The following AGAP2 variants were observed in gnomAD, a reference collection of about 807,000 sequenced individuals.
AGAP2 encodes the protein arf-GAP with GTPase, ANK repeat and PH domain-containing protein 2.
AGAP2 carries 32 observed loss-of-function variants against 110.9 expected under a neutral mutation model. The ratio of observed to expected loss-of-function variants is 0.29; its 90% CI spans 0.22 to 0.39. The LOEUF (loss-of-function observed/expected upper bound fraction) is 0.39, where lower values mean the gene tolerates loss of function less well. Among genes scored for constraint, AGAP2 ranks in the 10% least tolerant of loss-of-function variants. The probability of loss-of-function intolerance (pLI) is 1.00; values close to 1 mark genes in which losing one functional copy is unlikely to be tolerated. For missense variants in AGAP2, 1,285 were observed against 1,638.5 expected, an observed-to-expected ratio of 0.78 and a Z score of 3.72; for synonymous variants, 702 against 713.0, an observed-to-expected ratio of 0.98 and a Z score of 0.25.
Position 57,738,216 on chromosome 12 carries a change from G to T in AGAP2, c.31C>A (p.Arg11=), listed in dbSNP as rs1349968686. 8 of 1,521,500 alleles carry T rather than the reference G, an allele frequency of 5.3e-6. No individual in the cohort carries two copies. Among genetic ancestry groups the T allele is most frequent in the Non-Finnish European group, 7.0e-6 (8 of 1,139,804 alleles). 94.2% of individuals were successfully genotyped at this position (1,521,500 alleles called of 1,614,324 possible). The part of the protein sequence containing the change: MSRGAGALQR[R]TTTYLISLTL... ...AGCGAGATGAGGTAGGTCGTTGTCCGGCGCTGAAGCGCGCCCGCGCCCCGG... is the reference window on the plus strand; with the variant it reads ...AGCGAGATGAGGTAGGTCGTTGTCCTGCGCTGAAGCGCGCCCGCGCCCCGG... Residue 11 remains arginine, a synonymous_variant, in exon 1 of 19, where the codon CGG becomes AGG. Coordinates refer to ENST00000547588, the MANE Select transcript of AGAP2 (RefSeq NM_001122772.3). This position sits in a 1 kb window ranked among gnomAD's most constrained non-coding sequence, Gnocchi z 6.7.
chr12:57,727,420 G>A lies in AGAP2; in HGVS notation c.3020C>T (p.Ala1007Val), dbSNP rs1954791925. ...CGTGTCGCTTTCCCACACGCGGTTGGCCGTGTCGTTGCCAATAGCCGTCAG... is the reference window on the plus strand; with the variant it reads ...CGTGTCGCTTTCCCACACGCGGTTGACCGTGTCGTTGCCAATAGCCGTCAG... ...LVLTAIGNDT[A>V]NRVWESDTRG... The change falls in exon 17 of 19, where the codon GCC becomes GTC. Residue 1007 changes from alanine (A) to valine (V), a missense_variant. By Grantham distance (64) the Ala-to-Val change is moderately conservative. Coordinates refer to ENST00000547588, the MANE Select transcript of AGAP2 (RefSeq NM_001122772.3). 6.2e-7 allele frequency: 1 copy of A among 1,613,576 alleles called. No homozygotes were observed. The highest frequency in any genetic ancestry group is 1.6e-4 in the Middle Eastern group (1 of 6,062).
At position 57,727,687 on chromosome 12, in the gene AGAP2, C is replaced by T; in HGVS notation, c.2851G>A (p.Ala951Thr). The T allele has an allele frequency of 6.2e-7, 1 of 1,605,886 alleles. No homozygotes were observed. The highest frequency in any genetic ancestry group is 8.5e-7 in the Non-Finnish European group (1 of 1,176,378). Reference sequence around the variant, plus strand: ...GCTGCCTCCTGGCACTCACTGGGGGCCCCGCAGTCCACGCAGATTGAATTC... The same window carrying T: ...GCTGCCTCCTGGCACTCACTGGGGGTCCCGCAGTCCACGCAGATTGAATTC... ...KGNSICVDCG[A>T]PNPTWASLNL... is the part of the protein sequence containing the mutation. Residue 951 changes from alanine (A) to threonine (T), a missense_variant, in exon 16 of 19, where the codon GCC (alanine) becomes ACC (threonine). Transcript: ENST00000547588.
In AGAP2 at chr12:57,735,437, G is replaced by A. The variant is rs746740929; in HGVS notation, c.1169-10C>T. 1.2e-6 allele frequency: 2 copies of A among 1,613,182 alleles called. No individual in the cohort carries two copies. Among genetic ancestry groups the A allele is most frequent in the East Asian group, 2.2e-5 (1 of 44,858 alleles). On this transcript the variant is annotated splice_polypyrimidine_tract_variant and intron_variant, in intron 1 of 18. Transcript: ENST00000547588. ...CTATTGATCACAGCCTCTGTAACGGGAGAAGGGCAGTAAGAGGGGAGGCTC... is the reference window on the plus strand; with the variant it reads ...CTATTGATCACAGCCTCTGTAACGGAAGAAGGGCAGTAAGAGGGGAGGCTC...
In AGAP2 at chr12:57,728,152, C is replaced by T. The variant is rs1243907428; in HGVS notation, c.2618-67G>A. The T allele has an allele frequency of 3.9e-6, 6 of 1,548,466 alleles. No individual in the cohort carries two copies. In the Admixed American group the frequency reaches 7.6e-5, roughly 20 times the overall value. ...AAGCAGGGGCTGCCTTTCCCAAGAC[C>T]GTCCTCCCTGATGTCCATCCCGAGC... On this transcript the variant is annotated intron_variant, in intron 14 of 18. Coordinates refer to ENST00000547588, the MANE Select transcript of AGAP2 (RefSeq NM_001122772.3).
rs943471887 is a variant in AGAP2 at position 57,726,918 on chromosome 12, G to A, written c.3336+56C>T. 5 of 1,498,074 alleles carry A rather than the reference G, an allele frequency of 3.3e-6. No homozygotes were observed. Among genetic ancestry groups the A allele is most frequent in the Non-Finnish European group, 1.8e-6 (2 of 1,129,394 alleles). The allele number at this position is 1,498,074 out of a possible 1,614,324, so 92.8% of individuals were successfully genotyped here. ...GGGAATTTCGGGCTTTCCCGCGCCA[G>A]GCGTTTTCCGAGATGAAGCCTCAAA... On this transcript the variant is annotated intron_variant, in intron 18 of 18. Transcript: ENST00000547588. This position sits in a 1 kb window ranked among gnomAD's most constrained non-coding sequence, Gnocchi z 5.7.
At chr12:57,731,730 A>G (rs1954889288) in intron 8 of AGAP2, 79 bp downstream of exon 8, 2 of 1,589,728 alleles carry the variant, frequency 1.3e-6, no homozygotes, top group Non-Finnish European at 8.6e-7. Flanking sequence ...AGGGCCCAAC[A>G]GAGGAGTCTA....
chr12:57,731,413 C>A lies in AGAP2; in HGVS notation c.2098G>T (p.Val700Leu). The A allele has an allele frequency of 6.2e-7, 1 of 1,614,192 alleles. No individual in the cohort carries two copies. The highest frequency in any genetic ancestry group is 8.5e-7 in the Non-Finnish European group (1 of 1,180,028). ...SLNKEWKKKYVTLSSNGFLLY... is the reference protein window; with the variant it reads ...SLNKEWKKKYLTLSSNGFLLY... ...AGAAAGCCATTACTGGACAGGGTTA[C>A]ATATTTCTTCTTCCATTCTTTGTTC... Residue 700 changes from valine (V) to leucine (L), a missense_variant, in exon 10 of 19, where the codon GTA becomes TTA. Around this residue, in one of 7 missense-constraint regions of AGAP2, gnomAD observed 24 missense variants for 69.5 expected, o/e 0.35. Transcript: ENST00000547588.
Position 57,738,148 on chromosome 12 carries a change from A to G in AGAP2, c.99T>C (p.Ser33=). ...KLESVPPPPP[S]PSAAAAGAAG... ...CGGCGCCGGCCGCGGCCGCAGACGG[A>G]GAAGGCGGCGGCGGAGGCACCGACT... Residue 33 remains serine, a synonymous_variant, in exon 1 of 19, where the codon TCT becomes TCC. Coordinates refer to ENST00000547588, the MANE Select transcript of AGAP2 (RefSeq NM_001122772.3). This position sits in a 1 kb window ranked among gnomAD's most constrained non-coding sequence, Gnocchi z 6.7. 6.6e-7 allele frequency: 1 copy of G among 1,522,614 alleles called. No homozygotes were observed. The highest frequency in any genetic ancestry group is 2.5e-5 in the East Asian group (1 of 39,498). 94.3% of individuals were successfully genotyped at this position (1,522,614 alleles called of 1,614,324 possible).
intron 3 of AGAP2, 77 bp from the exon 4 acceptor site, chr12:57,734,481 G>T: frequency 6.3e-7 from 1 of 1,588,220 alleles, no homozygotes; most frequent in Non-Finnish European, 8.6e-7. Context: ...CAGTGCTTTT[G>T]CTATTATGGC....
chr12:57,734,403 A>C lies in AGAP2; in HGVS notation c.1317T>G (p.Ser439Arg). 6.2e-7 allele frequency: 1 copy of C among 1,614,106 alleles called. No individual in the cohort carries two copies. The highest frequency in any genetic ancestry group is 8.5e-7 in the Non-Finnish European group (1 of 1,180,006). ...GSYQVLEKTESEQYKKEMLVD... is the reference protein window; with the variant it reads ...GSYQVLEKTEREQYKKEMLVD... ...CCAACATTTCTTTCTTGTACTGCTC[A>C]CCTGTCCAGAAGAGTTGGAAGGGGT... The change falls in exon 4 of 19, where the codon AGT becomes AGG. Residue 439 changes from serine (S) to arginine (R), a missense_variant and splice_region_variant. Transcript: ENST00000547588.
At chr12:57,728,491 A>ACAGAGTGC in intron 13 of AGAP2, 114 bp from the exon 14 acceptor site, 1 of 1,095,994 alleles carries the variant, frequency 9.1e-7, no homozygotes, top group Non-Finnish European at 1.4e-6. Context: ...AGAGATAGTG[A>ACAGAGTGC]CAGAGTGCCA....
At position 57,727,509 on chromosome 12, in the gene AGAP2, G is replaced by A; in HGVS notation, c.2931C>T (p.Gly977=). 4 of 1,613,248 alleles carry A rather than the reference G, an allele frequency of 2.5e-6. No homozygotes were observed. Among genetic ancestry groups the A allele is most frequent in the Non-Finnish European group, 3.4e-6 (4 of 1,179,838 alleles). The change falls in exon 17 of 19, where the codon GGC becomes GGT. Residue 977 remains glycine (G), a synonymous_variant. Coordinates refer to ENST00000547588, the MANE Select transcript of AGAP2 (RefSeq NM_001122772.3). ...GCGAGCGAACGCGGGACAGGTGTGT[G>A]CCCAGGTTGCGGTGGATGCCAGAAC... ...IECSGIHRNL[G]THLSRVRSLD...
At position 57,737,703 on chromosome 12, in the gene AGAP2, G is replaced by T; in HGVS notation, c.544C>A (p.Pro182Thr). The change falls in exon 1 of 19, where the codon CCT becomes ACT. Residue 182 changes from proline (P) to threonine (T), a missense_variant. By Grantham distance (38) the Pro-to-Thr change is conservative. This residue lies in a region of AGAP2 where 844 missense variants were observed against 941.2 expected (regional missense o/e 0.90). Transcript: ENST00000547588. The surrounding 1 kb of genome is among the most constrained non-coding windows in gnomAD (Gnocchi z 5.9). ...GTGSRRLKVA[P>T]PPPAPKPCKT... ...CAAGGCTTGGGAGCCGGCGGAGGAG[G>T]CGCCACCTTGAGCCTCCGGCTGCCG... 2.6e-6 allele frequency: 4 copies of T among 1,549,522 alleles called. No individual in the cohort carries two copies. Among genetic ancestry groups the T allele is most frequent in the Non-Finnish European group, 3.5e-6 (4 of 1,150,692 alleles).
intron 14 of AGAP2, 50 bp downstream of exon 14, chr12:57,728,268 C>T (rs777241091): frequency 9.4e-6 from 15 of 1,599,372 alleles, no homozygotes; most frequent in Non-Finnish European, 1.2e-5. Context: ...GGGGCACCCC[C>T]ACCCTTCTGC....
At chr12:57,741,832 T>G (rs142216977), upstream of AGAP2, 9,062 of 1,501,706 alleles carry the variant, frequency 6.0e-3, 255 homozygotes, top group South Asian at 0.063. Flanking sequence ...TGACTGGGAA[T>G]TGATATATGA....
intron 17 of AGAP2, 56 bp from the exon 18 acceptor site, chr12:57,727,285 G>A: frequency 6.2e-7 from 1 of 1,611,486 alleles, no homozygotes; most frequent in Non-Finnish European, 8.5e-7. Context: ...CAGGACTTCT[G>A]CCCCTACCCA....
Position 57,728,134 on chromosome 12 carries a change from G to A in AGAP2, c.2618-49C>T, listed in dbSNP as rs151028259. On this transcript the variant is annotated intron_variant, in intron 14 of 18. Coordinates refer to ENST00000547588, the MANE Select transcript of AGAP2 (RefSeq NM_001122772.3). ...CATTAAGGGACAGAGTTCAAGCAGG[G>A]GCTGCCTTTCCCAAGACCGTCCTCC... is the stretch of plus-strand genomic sequence containing the variant. 4.0e-4 allele frequency: 618 copies of A among 1,556,754 alleles called. 2 individuals carry two copies. The African/African-American group carries it at 7.5e-3, about 19-fold the overall frequency.
chr12:57,728,447 A>G, intron 13 of AGAP2, 70 bp from the exon 14 acceptor site: 1 of 1,511,412 alleles, frequency 6.6e-7, no homozygotes, highest in East Asian at 2.3e-5. Flanking sequence ...ACCAAGAAAG[A>G]AGGAGAAAAA....
chr12:57,742,126 GGCCCTACA>G, upstream of AGAP2: 1 of 1,584,060 alleles, frequency 6.3e-7, no homozygotes. Context: ...TGAGGCCCAT[GGCCCTACA>G]GCCCCCAAAC....
Sources: gnomAD v4.1 joint callset for allele counts on GRCh38, gnomAD v4.1.1 for gene constraint, gnomAD v4.1.1 regional missense constraint, Gnocchi (gnomAD v3.1) non-coding constraint, MANE v1.5 for transcripts, NCBI Gene and HGNC (gene_info 2026-07-23, HGNC 2026-07-21) for gene names.